BMPR2: variants seen among roughly 807,000 people sequenced by gnomAD.
BMPR2 encodes the protein bone morphogenetic protein receptor type 2, also known as bone morphogenetic protein receptor type-2.
BMPR2 carries 29 observed loss-of-function variants against 100.8 expected under a neutral mutation model. The observed-to-expected ratio is 0.29, with a 90% CI of 0.21 to 0.39. The LOEUF (loss-of-function observed/expected upper bound fraction) is 0.39. Among genes scored for constraint, BMPR2 ranks in the 10% least tolerant of loss-of-function variants. The probability of loss-of-function intolerance (pLI) is 1.00; values close to 1 mark genes in which losing one functional copy is unlikely to be tolerated. For missense variants in BMPR2, 1,011 were observed against 1,274.5 expected, an observed-to-expected ratio of 0.79 and a Z score of 3.15; for synonymous variants, 382 against 442.3, an observed-to-expected ratio of 0.86 and a Z score of 1.71.
chr2:202,487,449 A>G (rs1255540435), intron 3 of BMPR2, among the ~76,000 whole-genome samples: 1 of 152,244 alleles, frequency 6.6e-6, no homozygotes, highest in East Asian at 1.9e-4. Context: ...TCACTAATAA[A>G]TAATGATCAG....
rs146340394 is a variant in BMPR2, at chr2:202,557,850, A to G, written c.2866+1319A>G. The stretch of plus-strand genomic sequence containing the variant: ...TTATAATGCAACTCACATACTTGCT[A>G]TGAAAAGTTGAAATAAAGTAAATAC... On this transcript the variant is annotated intron_variant, in intron 12 of 12. Transcript: ENST00000374580. 3.5e-3 allele frequency among the ~76,000 whole-genome samples: 537 copies of G among 152,338 alleles called. 2 individuals are homozygous for G. Among genetic ancestry groups the G allele is most frequent in the African/African-American group, 0.012 (517 of 41,566 alleles).
At chr2:202,394,581 A>G (rs537667735) in intron 1 of BMPR2, among the ~76,000 whole-genome samples, 1 of 152,256 alleles carries the variant, frequency 6.6e-6, no homozygotes, top group East Asian at 1.9e-4. Context: ...TGAAAGGTAG[A>G]TATTTTTCCT....
At chr2:202,446,564 G>C (rs955600203) in intron 1 of BMPR2, among the ~76,000 whole-genome samples, 3 of 148,446 alleles carry the variant, frequency 2.0e-5, no homozygotes, top group Non-Finnish European at 2.9e-5. Context: ...TAGTGTAACA[G>C]AGCAAAGAGT....
intron 1 of BMPR2, among the ~76,000 whole-genome samples, chr2:202,452,016 A>C (rs1262652894): frequency 6.6e-6 from 1 of 152,030 alleles, no homozygotes; most frequent in Non-Finnish European, 1.5e-5. Context: ...AGTCTCCCCA[A>C]GTGCTGGGAT....
At chr2:202,559,106 CCT>C (rs1403661196) in intron 12 of BMPR2, among the ~76,000 whole-genome samples, 2 of 151,704 alleles carry the variant, frequency 1.3e-5, no homozygotes, top group African/African-American at 2.4e-5. Flanking sequence ...TTGAGACCAC[CCT>C]CGGCAAGATG....
At chr2:202,533,498 G>A (rs1688065289) in intron 9 of BMPR2, among the ~76,000 whole-genome samples, 1 of 151,614 alleles carries the variant, frequency 6.6e-6, no homozygotes, top group Non-Finnish European at 1.5e-5. Context: ...TTGCACCCCA[G>A]CCTGGGCAAC....
chr2:202,421,637 G>A (rs1314141094), intron 1 of BMPR2, among the ~76,000 whole-genome samples: 6 of 136,942 alleles, frequency 4.4e-5, no homozygotes, highest in Non-Finnish European at 7.7e-5. Flanking sequence ...GTGAGACTCC[G>A]TCTCAAAAAA....
intron 1 of BMPR2, among the ~76,000 whole-genome samples, chr2:202,458,873 C>G (rs1692173486): frequency 6.6e-6 from 1 of 152,092 alleles, no homozygotes; most frequent in Non-Finnish European, 1.5e-5. Context: ...GTTTGAAAAG[C>G]TGTTCTTCAT....
intron 3 of BMPR2, among the ~76,000 whole-genome samples, chr2:202,469,333 G>A (rs1002413243): frequency 3.3e-5 from 5 of 151,792 alleles, no homozygotes; most frequent in Admixed American, 3.3e-4. Flanking sequence ...CGGCCTGAGT[G>A]TAGCTTTTTG....
intron 3 of BMPR2, among the ~76,000 whole-genome samples, chr2:202,485,124 G>A (rs1420431898): frequency 6.6e-6 from 1 of 152,046 alleles, no homozygotes; most frequent in African/African-American, 2.4e-5. Context: ...ACTGCGCCCA[G>A]CCAATGCCCT....
intron 1 of BMPR2, among the ~76,000 whole-genome samples, chr2:202,455,099 T>G (rs1692066776): frequency 6.6e-6 from 1 of 152,186 alleles, no homozygotes; most frequent in Non-Finnish European, 1.5e-5. Flanking sequence ...AACATCACAT[T>G]GTGGGTTAGG....
intron 1 of BMPR2, among the ~76,000 whole-genome samples, chr2:202,413,586 ATCATTTGTATG>A (rs1337180282): frequency 6.6e-6 from 1 of 152,178 alleles, no homozygotes; most frequent in African/African-American, 2.4e-5. Flanking sequence ...ACATACAAGA[ATCATTTGTATG>A]TGTGTGATAC....
chr2:202,496,663 T>C (rs910931682), intron 3 of BMPR2, among the ~76,000 whole-genome samples: 1 of 152,260 alleles, frequency 6.6e-6, no homozygotes, highest in Non-Finnish European at 1.5e-5. Flanking sequence ...CCTTATTTTT[T>C]CACTTACAAT....
Position 202,559,677 on chromosome 2 carries a change from T to A in BMPR2, c.2867-19T>A. 6.2e-7 allele frequency: 1 copy of A among 1,613,468 alleles called. No individual in the cohort carries two copies. Among genetic ancestry groups the A allele is most frequent in the Non-Finnish European group, 8.5e-7 (1 of 1,179,552 alleles). On this transcript the variant is annotated intron_variant, in intron 12 of 12. Transcript: ENST00000374580. ...TTAAGTTTGTTAAATAGCTCATTTTTCTGCACTTTTATTTTCAGTAGGTGA... is the reference window on the plus strand; with the variant it reads ...TTAAGTTTGTTAAATAGCTCATTTTACTGCACTTTTATTTTCAGTAGGTGA...
chr2:202,387,127 G>T (rs137998739), intron 1 of BMPR2, among the ~76,000 whole-genome samples: 363 of 152,292 alleles, frequency 2.4e-3, no homozygotes, highest in African/African-American at 8.3e-3. Context: ...GTGCCAGCCT[G>T]TCTTGCTCAA....
chr2:202,428,229 G>A (rs1004715156), intron 1 of BMPR2, among the ~76,000 whole-genome samples: 1 of 151,938 alleles, frequency 6.6e-6, no homozygotes, highest in Non-Finnish European at 1.5e-5. Flanking sequence ...ACACACATGT[G>A]TGCACATACT....
In BMPR2 at chr2:202,377,267, C is replaced by T. The variant is rs953197272; in HGVS notation, c.-208C>T. On this transcript the variant is annotated 5_prime_UTR_variant, in exon 1 of 13. Coordinates refer to ENST00000374580, the MANE Select transcript of BMPR2 (RefSeq NM_001204.7). ...TCCGAGGCGAAGGAACCCCCCCAGCCGCGAGGGAGAGAAATGAAGGGAATT... is the reference window on the plus strand; with the variant it reads ...TCCGAGGCGAAGGAACCCCCCCAGCTGCGAGGGAGAGAAATGAAGGGAATT... 3 of 637,546 alleles carry T rather than the reference C, an allele frequency of 4.7e-6. No homozygotes were observed. Among genetic ancestry groups the T allele is most frequent in the Non-Finnish European group, 5.7e-6 (2 of 350,346 alleles). 39.5% of individuals were successfully genotyped at this position (637,546 alleles called of 1,614,324 possible). A position where few individuals can be genotyped will look rare whatever the true frequency, so the allele number is the denominator to read the frequency against.
At chr2:202,435,914 A>G (rs980014095) in intron 1 of BMPR2, among the ~76,000 whole-genome samples, 1 of 150,572 alleles carries the variant, frequency 6.6e-6, no homozygotes, top group African/African-American at 2.5e-5. Context: ...AGTACACTCT[A>G]TGATATTCAT....
chr2:202,523,660 C>G (rs942939477), intron 7 of BMPR2, among the ~76,000 whole-genome samples: 1 of 151,864 alleles, frequency 6.6e-6, no homozygotes, highest in African/African-American at 2.4e-5. Context: ...CAAAATTAGC[C>G]GGGGGTGGTG....
Sources: allele counts gnomAD v4.1 joint callset (sites outside exome capture counted in the v4.1 genomes callset), GRCh38; gene constraint gnomAD v4.1.1; transcripts MANE v1.5; gene names NCBI Gene and HGNC (gene_info 2026-07-23, HGNC 2026-07-21).